NAF1: variants seen among roughly 807,000 people sequenced by gnomAD.
NAF1 encodes H/ACA ribonucleoprotein complex non-core subunit NAF1.
Under a neutral mutation model 40.6 loss-of-function variants are expected in NAF1, and 11 were observed. That is an observed-to-expected ratio of 0.27 (90% CI 0.17 to 0.45). The LOEUF is 0.45. NAF1 is among the 20% of genes least tolerant of loss of function. The probability of loss-of-function intolerance (pLI) is 1.00; values close to 1 mark genes in which losing one functional copy is unlikely to be tolerated. For synonymous variants in NAF1, 260 were observed against 228.5 expected, an observed-to-expected ratio of 1.14 and a Z score of -1.24; for missense variants, 607 against 611.1, an observed-to-expected ratio of 0.99 and a Z score of 0.07.
intron 6 of NAF1, chr4:163,133,465 C>T (rs982206322): frequency 2.1e-6 from 1 of 479,474 alleles, no homozygotes; most frequent in African/African-American, 1.9e-5. Context: ...TTAATTAACA[C>T]AGGCCAGTAA....
downstream of NAF1, among the ~76,000 whole-genome samples, chr4:163,128,176 G>A (rs1366204978): frequency 6.6e-6 from 1 of 152,132 alleles, no homozygotes; most frequent in African/African-American, 2.4e-5. Context: ...CTGCATGTGA[G>A]GATCTGGAAA....
At chr4:163,152,548 C>G (rs1409580786) in intron 2 of NAF1, among the ~76,000 whole-genome samples, 5 of 152,190 alleles carry the variant, frequency 3.3e-5, no homozygotes, top group Non-Finnish European at 1.5e-5. Flanking sequence ...AAAAGTTTTG[C>G]CCACAAAGGT....
At chr4:163,153,755 G>C (rs537964104) in intron 2 of NAF1, among the ~76,000 whole-genome samples, 92 of 152,282 alleles carry the variant, frequency 6.0e-4, no homozygotes, top group Middle Eastern at 6.8e-3. Context: ...GCAGGATGTG[G>C]GTGGGGCCAG....
intron 2 of NAF1, among the ~76,000 whole-genome samples, chr4:163,161,768 T>C (rs1051446874): frequency 1.3e-5 from 2 of 152,210 alleles, no homozygotes; most frequent in Non-Finnish European, 2.9e-5. Context: ...GTTGTTACTG[T>C]CTGCCCAGCA....
intron 6 of NAF1, among the ~76,000 whole-genome samples, chr4:163,134,008 A>G (rs995308620): frequency 1.3e-5 from 2 of 152,202 alleles, no homozygotes; most frequent in Non-Finnish European, 2.9e-5. Context: ...AAGCAGATAC[A>G]TGAATGATCC....
chr4:163,142,492 A>G (rs763871667), intron 4 of NAF1, among the ~76,000 whole-genome samples: 2 of 152,224 alleles, frequency 1.3e-5, no homozygotes, highest in Non-Finnish European at 2.9e-5. Flanking sequence ...GTATGGTTTG[A>G]ACTAAAATAT....
chr4:163,145,705 T>G, intron 4 of NAF1, 77 bp downstream of exon 4: 1 of 938,818 alleles, frequency 1.1e-6, no homozygotes, highest in Non-Finnish European at 1.6e-6. Context: ...TAAACTCTTC[T>G]GAGAACTGAT....
At chr4:163,140,477 CA>C in intron 4 of NAF1, 94 bp from the exon 5 acceptor site, 1 of 1,083,302 alleles carries the variant, frequency 9.2e-7, no homozygotes, top group Non-Finnish European at 1.3e-6. Context: ...TGATAATTGC[CA>C]GAACAAGGTA....
intron 2 of NAF1, among the ~76,000 whole-genome samples, chr4:163,161,264 G>C (rs1174423674): frequency 6.6e-6 from 1 of 152,144 alleles, no homozygotes; most frequent in Non-Finnish European, 1.5e-5. Flanking sequence ...CCTGAGGTAA[G>C]AAGTTTGAGA....
chr4:163,104,219 T>C, the NAF1 span, among the ~76,000 whole-genome samples: 3 of 152,150 alleles, frequency 2.0e-5, no homozygotes, highest in Non-Finnish European at 4.4e-5. Context: ...GAACCGGCCG[T>C]TTCCACTTCT....
intron 2 of NAF1, among the ~76,000 whole-genome samples, chr4:163,148,839 T>C (rs1247197575): frequency 6.6e-6 from 1 of 152,144 alleles, no homozygotes; most frequent in Non-Finnish European, 1.5e-5. Context: ...AGCTGTCTTG[T>C]TAAATTGGTT....
chr4:163,155,406 G>A (rs1351222), intron 2 of NAF1, among the ~76,000 whole-genome samples: 118,189 of 152,136 alleles, frequency 0.78, 45,962 homozygotes, highest in South Asian at 0.84. Flanking sequence ...ATATCTATTA[G>A]ATGAACTAAC....
At chr4:163,141,641 T>A (rs1246220884) in intron 4 of NAF1, among the ~76,000 whole-genome samples, 1 of 152,230 alleles carries the variant, frequency 6.6e-6, no homozygotes, top group African/African-American at 2.4e-5. Context: ...GATGCCATGA[T>A]AAACATATAT....
rs891952433 is a variant in NAF1 at position 163,129,329 on chromosome 4, T to C, written c.1053A>G (p.Val351=). 1.2e-6 allele frequency: 2 copies of C among 1,609,310 alleles called. No homozygotes were observed. The highest frequency in any genetic ancestry group is 2.2e-5 in the East Asian group (1 of 44,796). The change falls in exon 8 of 8, where the codon GTA becomes GTG. Residue 351 remains valine (V), a synonymous_variant. Coordinates refer to ENST00000274054, the MANE Select transcript of NAF1 (RefSeq NM_138386.3). The part of the protein sequence containing the change: ...FNEPGEDFTE[V]HQNWNAHSSA... Reference sequence around the variant, plus strand: ...AGCTATGAGCATTCCAATTCTGATGTACTTCAGTAAAATCTTCACCTTTGA... The same window carrying C: ...AGCTATGAGCATTCCAATTCTGATGCACTTCAGTAAAATCTTCACCTTTGA...
chr4:163,122,485 G>C (rs1730545051), downstream of NAF1, among the ~76,000 whole-genome samples: 1 of 152,142 alleles, frequency 6.6e-6, no homozygotes, highest in Non-Finnish European at 1.5e-5. Flanking sequence ...TCTTCCCTAT[G>C]TCCCACTAGT....
intron 7 of NAF1, among the ~76,000 whole-genome samples, chr4:163,132,444 G>A (rs1560786717): frequency 6.6e-6 from 1 of 152,140 alleles, no homozygotes; most frequent in Non-Finnish European, 1.5e-5. Context: ...CAGATACTAC[G>A]CTCAGTGGCA....
At chr4:163,132,054 G>A (rs1200200940) in intron 7 of NAF1, among the ~76,000 whole-genome samples, 1 of 152,114 alleles carries the variant, frequency 6.6e-6, no homozygotes, top group African/African-American at 2.4e-5. Context: ...ATTAAAAACA[G>A]TGATAACACC....
At chr4:163,155,785 T>C (rs561825903) in intron 2 of NAF1, among the ~76,000 whole-genome samples, 2 of 152,184 alleles carry the variant, frequency 1.3e-5, no homozygotes, top group East Asian at 3.8e-4. Flanking sequence ...AGGGTGTATA[T>C]GTGTGACAGA....
intron 2 of NAF1, among the ~76,000 whole-genome samples, chr4:163,161,199 A>G (rs1732203618): frequency 6.6e-6 from 1 of 152,130 alleles, no homozygotes; most frequent in Non-Finnish European, 1.5e-5. Context: ...CTGTCCAGGC[A>G]CGGTGGCTCA....
Sources: gnomAD v4.1 joint callset for allele counts (sites outside exome capture counted in the v4.1 genomes callset) on GRCh38, gnomAD v4.1.1 for gene constraint, MANE v1.5 for transcripts, NCBI Gene and HGNC (gene_info 2026-07-23, HGNC 2026-07-21) for gene names.